SELENOP: variants seen among roughly 807,000 people sequenced by gnomAD.
The protein encoded by SELENOP is selenoprotein P, plasma, 1.
SELENOP carries 36 observed loss-of-function variants against 41.0 expected under a neutral mutation model. The observed-to-expected ratio is 0.88, with a 90% confidence interval of 0.67 to 1.16. The LOEUF is 1.16. SELENOP is among the 50% of genes most tolerant of loss of function. The pLI is 0.00. For synonymous variants in SELENOP, 144 were observed against 150.8 expected (o/e 0.95, Z 0.33); for missense variants, 440 against 454.2 (o/e 0.97, Z 0.28).
intron 4 of SELENOP, 28 bp downstream of exon 4, chr5:42,804,628 T>A: frequency 1.5e-6 from 2 of 1,299,756 alleles, no homozygotes; most frequent in Admixed American, 3.9e-5. Flanking sequence ...TCCTCTTTTC[T>A]CCCCAGAAAA....
In SELENOP at chr5:42,807,027, A is replaced by G. The variant is rs1461738482; in HGVS notation, c.285T>C (p.Ser95=). 3 of 1,584,496 alleles carry G rather than the reference A, an allele frequency of 1.9e-6. No individual in the cohort carries two copies. The highest frequency in any genetic ancestry group is 1.8e-4 in the Middle Eastern group (1 of 5,618). Reference sequence around the variant, plus strand: ...TAAGATGTGTGTATTTTAATCGAGAAGAGATTCCTTGATGATTAACAACAA... The same window carrying G: ...TAAGATGTGTGTATTTTAATCGAGAGGAGATTCCTTGATGATTAACAACAA... The part of the protein sequence containing the change: ...SYIVVNHQGI[S]SRLKYTHLKN... The change falls in exon 3 of 5, where the codon TCT becomes TCC. Residue 95 remains serine (S), a synonymous_variant. Transcript: ENST00000514985.
Position 42,803,155 on chromosome 5 carries a change from A to T in SELENOP, c.534+1501T>A, listed in dbSNP as rs552937431. Among the ~76,000 whole-genome samples the T allele has an allele frequency of 4.6e-5, 7 of 152,294 alleles. No individual in the cohort carries two copies. The East Asian group carries it at 1.4e-3, about 29-fold the overall frequency. ...AATCGGATTTGGCATATCAGATACT[A>T]ATAGTGTCTGATCTGTAATTTGTAT... On this transcript the variant is annotated intron_variant, in intron 4 of 4. Transcript: ENST00000514985.
intron 4 of SELENOP, chr5:42,801,803 G>A (rs1457385091): frequency 3.8e-5 from 6 of 156,444 alleles, no homozygotes; most frequent in Non-Finnish European, 8.4e-5. Flanking sequence ...TGTAGTCCCA[G>A]CTACTTGTGA....
chr5:42,802,529 A>G (rs1299322408), intron 4 of SELENOP, among the ~76,000 whole-genome samples: 1 of 152,242 alleles, frequency 6.6e-6, no homozygotes, highest in African/African-American at 2.4e-5. Flanking sequence ...AATTTGATAC[A>G]TGTTTAAAAT....
chr5:42,800,591 T>G lies in SELENOP; in HGVS notation c.*129A>C. The G allele has an allele frequency of 1.8e-6, 2 of 1,136,562 alleles. No homozygotes were observed. Among genetic ancestry groups the G allele is most frequent in the Non-Finnish European group, 2.5e-6 (2 of 815,834 alleles). The allele number at this position is 1,136,562 out of a possible 1,614,324, so 70.4% of individuals were successfully genotyped here. On this transcript the variant is annotated 3_prime_UTR_variant, in exon 5 of 5. Coordinates refer to ENST00000514985, the MANE Select transcript of SELENOP (RefSeq NM_005410.4). ...TAAAATTTAAAATCTGGAAGCCAAT[T>G]CAGTAGATTTCTCCATGTTTGCACA...
At chr5:42,805,862 TCA>T (rs997305994) in intron 3 of SELENOP, 2 of 152,110 alleles carry the variant, frequency 1.3e-5, no homozygotes, top group African/African-American at 2.4e-5. Context: ...ATTTCAAAAA[TCA>T]AAGTCATTTC....
intron 4 of SELENOP, among the ~76,000 whole-genome samples, chr5:42,802,757 C>T (rs548120830): frequency 1.3e-5 from 2 of 152,202 alleles, no homozygotes; most frequent in South Asian, 4.2e-4. Flanking sequence ...ATTGCAGACA[C>T]GTGCCACCAC....
In SELENOP at chr5:42,800,619, T is replaced by C. The variant is rs1303878559; in HGVS notation, c.*101A>G. The C allele has an allele frequency of 9.0e-5, 123 of 1,366,524 alleles. No individual in the cohort carries two copies. Among genetic ancestry groups the C allele is most frequent in the Non-Finnish European group, 4.0e-6 (4 of 1,009,452 alleles). The allele number at this position is 1,366,524 out of a possible 1,614,324, so 84.6% of individuals were successfully genotyped here. A position where few individuals can be genotyped will look rare whatever the true frequency, so the allele number is the denominator to read the frequency against. On this transcript the variant is annotated 3_prime_UTR_variant, in exon 5 of 5. Coordinates refer to ENST00000514985, the MANE Select transcript of SELENOP (RefSeq NM_005410.4). ...GTAGATTTCTCCATGTTTGCACAAA[T>C]CTAATTTCTATTTTTGGTTCACTAA... is the stretch of plus-strand genomic sequence containing the variant.
intron 1 of SELENOP, among the ~76,000 whole-genome samples, chr5:42,810,453 CTATTTATT>C (rs1267542326): frequency 6.6e-6 from 1 of 151,880 alleles, no homozygotes; most frequent in Non-Finnish European, 1.5e-5. Flanking sequence ...ATTTATTTAT[CTATTTATT>C]TATTTATTTA....
chr5:42,811,338 T>C (rs1412180095), intron 1 of SELENOP, among the ~76,000 whole-genome samples: 1 of 152,220 alleles, frequency 6.6e-6, no homozygotes, highest in Non-Finnish European at 1.5e-5. Flanking sequence ...ACTTCTGCAC[T>C]GTGGACTGAA....
Position 42,801,255 on chromosome 5 carries a change from T to C in SELENOP, c.611A>G (p.His204Arg). Residue 204 changes from histidine (H) to arginine (R), a missense_variant, in exon 5 of 5, where the codon CAT (histidine) becomes CGT (arginine). His to Arg is a conservative substitution (Grantham distance 29). Coordinates refer to ENST00000514985, the MANE Select transcript of SELENOP (RefSeq NM_005410.4). ...VDKTVETPSP[H>R]YHHEHHHNHG... is the part of the protein sequence containing the mutation. ...ATTGTGATGATGCTCATGATGGTAA[T>C]GAGGCGATGGAGTTTCAACTGTTTT... 1 of 1,614,146 alleles carries C rather than the reference T, an allele frequency of 6.2e-7. No homozygotes were observed. The highest frequency in any genetic ancestry group is 1.1e-5 in the South Asian group (1 of 91,080).
chr5:42,803,858 C>T (rs1760265326), intron 4 of SELENOP, among the ~76,000 whole-genome samples: 1 of 152,214 alleles, frequency 6.6e-6, no homozygotes, highest in Admixed American at 6.5e-5. Context: ...TAAACTCAGA[C>T]TGCAGATGGG....
At chr5:42,809,755 C>G in intron 1 of SELENOP, 1 of 934,674 alleles carries the variant, frequency 1.1e-6, no homozygotes, top group Non-Finnish European at 1.3e-6. Flanking sequence ...CATCAAAACT[C>G]TTACCTATAT....
At chr5:42,806,465 C>T (rs1760331557) in intron 3 of SELENOP, 1 of 156,602 alleles carries the variant, frequency 6.4e-6, no homozygotes, top group Non-Finnish European at 1.4e-5. Flanking sequence ...TGGGATCATC[C>T]TAATATGTGT....
At chr5:42,810,059 TAAAAC>T (rs1760427217) in intron 1 of SELENOP, among the ~76,000 whole-genome samples, 1 of 152,158 alleles carries the variant, frequency 6.6e-6, no homozygotes, top group Non-Finnish European at 1.5e-5. Context: ...AGTTAATCCT[TAAAAC>T]AATTATGTGA....
At position 42,800,864 on chromosome 5, in the gene SELENOP, C is replaced by CCGAA; in HGVS notation, c.998_1001dup (p.Ala335SerfsTer?). ...AAGATTCAGTTATGTTCTCCTCTGC[C>CCGAA]CGAAGTCCCTGTCAGCTACATAAAG... On this transcript the variant is annotated frameshift_variant, in exon 5 of 5. Transcript: ENST00000514985. LOFTEE classifies it high-confidence loss of function. 6.2e-7 allele frequency: 1 copy of CCGAA among 1,614,122 alleles called. No homozygotes were observed. The highest frequency in any genetic ancestry group is 8.5e-7 in the Non-Finnish European group (1 of 1,180,000).
At position 42,801,238 on chromosome 5, in the gene SELENOP, G is replaced by T. The variant is rs1305829784; in HGVS notation, c.628C>A (p.His210Asn). ...TPSPHYHHEH[H>N]HNHGHQHLGS... ...AGGTGCTGATGTCCATGATTGTGAT[G>T]ATGCTCATGATGGTAATGAGGCGAT... Residue 210 changes from histidine to asparagine, a missense_variant, in exon 5 of 5, where the codon CAT (histidine) becomes AAT (asparagine). Coordinates refer to ENST00000514985, the MANE Select transcript of SELENOP (RefSeq NM_005410.4). 4 of 1,614,086 alleles carry T rather than the reference G, an allele frequency of 2.5e-6. No individual in the cohort carries two copies. In the Admixed American group the frequency reaches 6.7e-5, roughly 27 times the overall value.
chr5:42,803,145 A>G (rs1288574335), intron 4 of SELENOP, among the ~76,000 whole-genome samples: 1 of 152,184 alleles, frequency 6.6e-6, no homozygotes, highest in Non-Finnish European at 1.5e-5. Flanking sequence ...GATTTGGCAT[A>G]TCAGATACTA....
In SELENOP at chr5:42,800,976, G is replaced by A. The variant is rs746126307; in HGVS notation, c.890C>T (p.Pro297Leu). Residue 297 changes from proline (P) to leucine (L), a missense_variant, in exon 5 of 5, where the codon CCT (proline) becomes CTT (leucine). Physicochemically the swap from Pro to Leu is moderately conservative, Grantham distance 98. Transcript: ENST00000514985. ...CKLPTDSELA[P>L]RSUCCHCRHL... ...TCGACAATGGCAGCATCAGCTCCTA[G>A]GAGCCAACTCTGAATCTGTGGGCAA... 1 of 1,614,208 alleles carries A rather than the reference G, an allele frequency of 6.2e-7. No homozygotes were observed. Among genetic ancestry groups the A allele is most frequent in the Admixed American group, 1.7e-5 (1 of 60,030 alleles).
Sources: gnomAD v4.1 joint callset for allele counts (sites outside exome capture counted in the v4.1 genomes callset) on GRCh38, gnomAD v4.1.1 for gene constraint, MANE v1.5 for transcripts, NCBI Gene and HGNC (gene_info 2026-07-23, HGNC 2026-07-21) for gene names.